The following QTGAL variants were observed in gnomAD, a reference collection of about 807,000 sequenced individuals.
QTGAL encodes the protein queuosine-tRNA galactosyltransferase.
At chr17:82,946,569 A>AGTGCGTGTGTGTGTGTGTGTGTGTGTGT in the QTGAL span, among the ~76,000 whole-genome samples, 1 of 150,192 alleles carries the variant, frequency 6.7e-6, no homozygotes, top group African/African-American at 2.4e-5. Flanking sequence ...ACAGAACCCA[A>AGTGCGTGTGTGTGTGTGTGTGTGTGTGT]GTGTGTGTGT....
the QTGAL span, among the ~76,000 whole-genome samples, chr17:83,009,317 A>T: frequency 2.6e-5 from 4 of 152,054 alleles, no homozygotes; most frequent in Non-Finnish European, 5.9e-5. Context: ...CCAGCTACTC[A>T]GGAGGCTGAG....
At chr17:82,996,990 C>A in the QTGAL span, among the ~76,000 whole-genome samples, 1,096 of 152,218 alleles carry the variant, frequency 7.2e-3, 12 homozygotes, top group African/African-American at 0.025. Flanking sequence ...GACTGGGCAA[C>A]GATTTCTTGA....
At chr17:82,968,506 GC>G in the QTGAL span, among the ~76,000 whole-genome samples, 14 of 141,544 alleles carry the variant, frequency 9.9e-5, no homozygotes, top group Admixed American at 2.1e-4. Flanking sequence ...GGGAAGGGAG[GC>G]CAGTCACCAG....
chr17:82,973,250 C>T, the QTGAL span, among the ~76,000 whole-genome samples: 4 of 152,168 alleles, frequency 2.6e-5, no homozygotes, highest in East Asian at 1.9e-4. Context: ...AACAGGAGGA[C>T]GAGTAGACAC....
the QTGAL span, among the ~76,000 whole-genome samples, chr17:83,049,893 A>G: frequency 6.6e-6 from 1 of 152,228 alleles, no homozygotes; most frequent in East Asian, 1.9e-4. Context: ...ACAGGAGTTA[A>G]GTCTTAATTT....
chr17:82,946,289 CCT>C, the QTGAL span, among the ~76,000 whole-genome samples: 1 of 152,120 alleles, frequency 6.6e-6, no homozygotes. Context: ...TGGATTAAAA[CCT>C]CTGTTAATGA....
chr17:82,956,926 G>C, the QTGAL span: 1 of 1,035,130 alleles, frequency 9.7e-7, no homozygotes, highest in Admixed American at 2.0e-5. The surrounding 1 kb of genome is among the most constrained non-coding windows in gnomAD (Gnocchi z 5.7). Context: ...CAGGTGTTCA[G>C]AGCAGGAACC....
the QTGAL span, among the ~76,000 whole-genome samples, chr17:83,017,373 A>C: frequency 6.6e-6 from 1 of 152,210 alleles, no homozygotes; most frequent in South Asian, 2.1e-4. Flanking sequence ...CTGTAATCCC[A>C]GCACTTTGGG....
the QTGAL span, among the ~76,000 whole-genome samples, chr17:82,980,349 A>G: frequency 6.6e-6 from 1 of 152,176 alleles, no homozygotes; most frequent in Non-Finnish European, 1.5e-5. Flanking sequence ...CCATACACCA[A>G]GCAAACCATC....
the QTGAL span, among the ~76,000 whole-genome samples, chr17:82,980,383 G>A: frequency 2.0e-5 from 3 of 152,164 alleles, no homozygotes; most frequent in Non-Finnish European, 2.9e-5. Context: ...ACACCAGTCA[G>A]GCATCCTCTA....
At chr17:83,018,739 C>T in the QTGAL span, among the ~76,000 whole-genome samples, 2 of 152,234 alleles carry the variant, frequency 1.3e-5, no homozygotes, top group African/African-American at 4.8e-5. Flanking sequence ...TCTCATGTCC[C>T]TACCATCTCG....
At chr17:83,014,510 T>C in the QTGAL span, 7 of 1,614,010 alleles carry the variant, frequency 4.3e-6, no homozygotes, top group Middle Eastern at 1.7e-4. Flanking sequence ...TGGGGCATCA[T>C]GACGTCATCC....
the QTGAL span, among the ~76,000 whole-genome samples, chr17:83,034,269 G>T: frequency 9.2e-5 from 14 of 152,340 alleles, no homozygotes; most frequent in African/African-American, 2.9e-4. Context: ...TCAACCTTTA[G>T]AAATCAGTAA....
chr17:82,962,821 A>G, the QTGAL span, among the ~76,000 whole-genome samples: 2 of 152,188 alleles, frequency 1.3e-5, no homozygotes, highest in Non-Finnish European at 2.9e-5. Flanking sequence ...ATTTTCTGGC[A>G]GTAAAGTGAG....
At chr17:82,965,286 G>T in the QTGAL span, among the ~76,000 whole-genome samples, 1 of 152,136 alleles carries the variant, frequency 6.6e-6, no homozygotes, top group Non-Finnish European at 1.5e-5. Flanking sequence ...CCCCCGGGGG[G>T]AGGATGGGCT....
At chr17:82,989,341 G>A in the QTGAL span, among the ~76,000 whole-genome samples, 7 of 151,928 alleles carry the variant, frequency 4.6e-5, no homozygotes, top group African/African-American at 1.5e-4. Flanking sequence ...ACGGCCTGTT[G>A]TGGAGGTGGG....
chr17:83,019,099 C>T, the QTGAL span, among the ~76,000 whole-genome samples: 5 of 152,176 alleles, frequency 3.3e-5, no homozygotes, highest in Admixed American at 6.5e-5. Context: ...TAAGACCCCA[C>T]CCGGCCCCTT....
chr17:83,007,351 T>G, the QTGAL span: 1 of 847,008 alleles, frequency 1.2e-6, no homozygotes, highest in South Asian at 5.4e-5. Flanking sequence ...TCTGTTTCTG[T>G]GCATCCTGCA....
chr17:82,977,240 C>T, the QTGAL span, among the ~76,000 whole-genome samples: 4 of 152,214 alleles, frequency 2.6e-5, no homozygotes, highest in African/African-American at 7.2e-5. Context: ...GCCGCGAAGT[C>T]GGAACCTGCG....
Sources: allele counts gnomAD v4.1 joint callset (sites outside exome capture counted in the v4.1 genomes callset), GRCh38; gene constraint gnomAD v4.1.1; non-coding constraint Gnocchi (gnomAD v3.1); transcripts MANE v1.5; gene names NCBI Gene and HGNC (gene_info 2026-07-23, HGNC 2026-07-21).